The following AR variants were observed in gnomAD, a reference collection of about 807,000 sequenced individuals.
AR encodes androgen receptor.
A neutral mutation model predicts 53.9 loss-of-function variants in AR; 8 were observed. The ratio of observed to expected loss-of-function variants is 0.15; its 90% CI spans 0.09 to 0.27. AR has a LOEUF of 0.27. Ranked by LOEUF, AR falls within the 10% of genes least tolerant of loss-of-function variation. AR has a pLI of 1.00. For missense variants in AR, 639 were observed against 742.5 expected, an observed-to-expected ratio of 0.86 and a Z score of 1.62; for synonymous variants, 359 against 316.4, an observed-to-expected ratio of 1.13 and a Z score of -1.43.
At chrX:67,663,301 C>G (rs775095979) in intron 2 of AR, among the ~76,000 whole-genome samples, 1 of 112,167 alleles carries the variant, frequency 8.9e-6, no homozygotes, top group South Asian at 3.7e-4. Context: ...CCTTCAGGAG[C>G]TCCTGCAGTG....
chrX:67,687,943 A>G (rs2075975840), intron 3 of AR, among the ~76,000 whole-genome samples: 1 of 112,492 alleles, frequency 8.9e-6, no homozygotes, highest in East Asian at 2.8e-4. Flanking sequence ...CACTTTTGAA[A>G]AGGAGCCTGT....
At chrX:67,548,886 AT>A (rs1163693038) in intron 1 of AR, among the ~76,000 whole-genome samples, 3 of 108,335 alleles carry the variant, frequency 2.8e-5, no homozygotes, top group Admixed American at 9.9e-5. Context: ...GTACAAGTTT[AT>A]TTTTTTTTTC....
intron 3 of AR, among the ~76,000 whole-genome samples, chrX:67,709,858 C>T (rs768824386): frequency 8.1e-5 from 9 of 111,425 alleles, no homozygotes; most frequent in Admixed American, 2.9e-4. Flanking sequence ...TATGTTGAGC[C>T]CAAAATGATA....
At chrX:67,661,341 G>T (rs1162062443) in intron 2 of AR, among the ~76,000 whole-genome samples, 2 of 111,034 alleles carry the variant, frequency 1.8e-5, no homozygotes, top group East Asian at 5.6e-4. Context: ...TATGATATTG[G>T]CTGTGGGTTT....
At position 67,717,632 on chromosome X, in the gene AR, C is replaced by T. The variant is rs1297091038; in HGVS notation, c.2318+10C>T. 8.3e-7 allele frequency: 1 copy of T among 1,211,852 alleles called. No homozygotes were observed. The highest frequency in any genetic ancestry group is 2.2e-5 in the Admixed American group (1 of 46,081). The stretch of plus-strand genomic sequence containing the variant: ...ATCTGGTTTTCAATGAGTAAGTGCT[C>T]CTGGGGCCCAGACCTCACTAAAATA... On this transcript the variant is annotated intron_variant, in intron 5 of 7. Transcript: ENST00000374690.
chrX:67,672,962 C>G (rs1282831627), intron 2 of AR, among the ~76,000 whole-genome samples: 3 of 111,039 alleles, frequency 2.7e-5, no homozygotes, highest in East Asian at 2.8e-4. Context: ...ATTCCTTCAG[C>G]TCTTGTTGAT....
rs181136294 is a variant in AR at position 67,668,486 on chromosome X, G to A, written c.1769-17524G>A. 1.6e-3 allele frequency among the ~76,000 whole-genome samples: 172 copies of A among 110,731 alleles called. 1 individual carries two copies. The highest frequency in any genetic ancestry group is 5.3e-3 in the African/African-American group (160 of 30,292). The stretch of plus-strand genomic sequence containing the variant: ...TGCTAGTATTTTGTTGGGGATTTTT[G>A]CATCAGTGTTTATCAGGGATATTGG... On this transcript the variant is annotated intron_variant, in intron 2 of 7. Coordinates refer to ENST00000374690, the MANE Select transcript of AR (RefSeq NM_000044.6).
chrX:67,643,762 G>A (rs1434274848), intron 2 of AR, among the ~76,000 whole-genome samples: 1 of 111,896 alleles, frequency 8.9e-6, no homozygotes, highest in Admixed American at 9.5e-5. Flanking sequence ...TATTAGAGAG[G>A]TTAGAAGTGG....
At chrX:67,601,126 C>A (rs1923334377) in intron 1 of AR, among the ~76,000 whole-genome samples, 1 of 112,039 alleles carries the variant, frequency 8.9e-6, no homozygotes, top group Non-Finnish European at 1.9e-5. Flanking sequence ...TTGTTGACAG[C>A]ACATGTGACC....
intron 2 of AR, among the ~76,000 whole-genome samples, chrX:67,669,218 A>G (rs1383385283): frequency 1.8e-5 from 2 of 111,191 alleles, no homozygotes; most frequent in African/African-American, 6.5e-5. Context: ...GCTGTATCCC[A>G]TAGGTTTTAG....
At chrX:67,671,845 T>C (rs771927922) in intron 2 of AR, among the ~76,000 whole-genome samples, 29 of 112,197 alleles carry the variant, frequency 2.6e-4, no homozygotes, top group African/African-American at 8.7e-4. Flanking sequence ...CACCATTTAT[T>C]AAATAGGGAA....
chrX:67,701,674 T>TCACACA (rs3070104), intron 3 of AR, among the ~76,000 whole-genome samples: 13 of 97,513 alleles, frequency 1.3e-4, no homozygotes, highest in Admixed American at 2.2e-4. Flanking sequence ...TACTAACCAT[T>TCACACA]CACACACACA....
At chrX:67,701,881 C>T (rs1314372415) in intron 3 of AR, among the ~76,000 whole-genome samples, 1 of 112,097 alleles carries the variant, frequency 8.9e-6, no homozygotes, top group Non-Finnish European at 1.9e-5. Context: ...GGAGTATTCT[C>T]ATAGCCTCCT....
At position 67,688,709 on chromosome X, in the gene AR, C is replaced by A. The variant is rs1475112024; in HGVS notation, c.1885+2583C>A. Reference sequence around the variant, plus strand: ...ATGCCAGTAAAAACCCAATTGTTTACCTTCTTAAATCACTGCTTGAAGAGC... The same window carrying A: ...ATGCCAGTAAAAACCCAATTGTTTAACTTCTTAAATCACTGCTTGAAGAGC... On this transcript the variant is annotated intron_variant, in intron 3 of 7. Transcript: ENST00000374690. Among the ~76,000 whole-genome samples, 5 of 111,741 alleles carry A rather than the reference C, an allele frequency of 4.5e-5. No individual in the cohort carries two copies. The East Asian group carries it at 1.1e-3, about 25-fold the overall frequency.
chrX:67,621,066 ATTCTAT>A (rs1263554323), intron 1 of AR, among the ~76,000 whole-genome samples: 1 of 111,930 alleles, frequency 8.9e-6, no homozygotes, highest in African/African-American at 3.2e-5. Context: ...CCTGTTCCAA[ATTCTAT>A]GCCGTGGAAG....
chrX:67,723,555 G>A, intron 7 of AR, 131 bp from the exon 8 acceptor site: 1 of 650,583 alleles, frequency 1.5e-6, no homozygotes, highest in East Asian at 3.4e-5. Flanking sequence ...TCATGGGGGA[G>A]GACCAAGGAA....
At chrX:67,581,078 A>G (rs1315028306) in intron 1 of AR, among the ~76,000 whole-genome samples, 3 of 111,774 alleles carry the variant, frequency 2.7e-5, no homozygotes, top group Non-Finnish European at 5.7e-5. Context: ...CCAGGTCTAA[A>G]CTTTAGCACG....
In AR at chrX:67,577,127, C is replaced by G. The variant is rs111704090; in HGVS notation, c.1616+30365C>G. Among the ~76,000 whole-genome samples the G allele has an allele frequency of 4.2e-3, 458 of 108,276 alleles. 4 individuals carry two copies. The highest frequency in any genetic ancestry group is 0.015 in the African/African-American group (436 of 29,668). The allele number at this position is 108,276 out of a possible 115,157, so 94.0% of individuals were successfully genotyped here. ...TAGCAGTTACTCCCCATTTCCCCCA[C>G]CCCCTGACCCTTCAACCCTAGGCAA... On this transcript the variant is annotated intron_variant, in intron 1 of 7. Coordinates refer to ENST00000374690, the MANE Select transcript of AR (RefSeq NM_000044.6).
chrX:67,687,981 A>G (rs747786426), intron 3 of AR, among the ~76,000 whole-genome samples: 34 of 112,643 alleles, frequency 3.0e-4, no homozygotes, highest in Non-Finnish European at 5.4e-4. Context: ...ACTATACTAT[A>G]TAACCGTCAG....
Sources: allele counts gnomAD v4.1 joint callset (sites outside exome capture counted in the v4.1 genomes callset), GRCh38; gene constraint gnomAD v4.1.1; transcripts MANE v1.5; gene names NCBI Gene and HGNC (gene_info 2026-07-23, HGNC 2026-07-21).